PFKFB3: variants seen among roughly 807,000 people sequenced by gnomAD.
PFKFB3 encodes the protein 6-phosphofructo-2-kinase/fructose-2,6-biphosphatase 3, also known as 6-phosphofructo-2-kinase/fructose-2,6-bisphosphatase 3.
In PFKFB3, 33 loss-of-function variants were observed where a neutral mutation model predicts 68.0. That is an observed-to-expected ratio of 0.49 (90% confidence interval 0.37 to 0.65). The LOEUF is 0.65. PFKFB3 is among the 30% of genes least tolerant of loss of function. The pLI is 0.00. For missense variants in PFKFB3, 586 were observed against 712.2 expected, an observed-to-expected ratio of 0.82 and a Z score of 2.02; for synonymous variants, 315 against 288.2, an observed-to-expected ratio of 1.09 and a Z score of -0.94.
the PFKFB3 span, among the ~76,000 whole-genome samples, chr10:6,282,553 A>G: frequency 6.6e-6 from 1 of 152,196 alleles, no homozygotes; most frequent in Non-Finnish European, 1.5e-5. Flanking sequence ...CCTACCATCC[A>G]ATGGGCCAGG....
chr10:6,275,060 AGG>A, the PFKFB3 span, among the ~76,000 whole-genome samples: 1 of 152,080 alleles, frequency 6.6e-6, no homozygotes, highest in Non-Finnish European at 1.5e-5. This position sits in a 1 kb window ranked among gnomAD's most constrained non-coding sequence, Gnocchi z 4.9. Context: ...GGTGTCCACT[AGG>A]GGACTTTTGG....
chr10:6,264,330 T>C, the PFKFB3 span, among the ~76,000 whole-genome samples: 1 of 152,154 alleles, frequency 6.6e-6, no homozygotes, highest in African/African-American at 2.4e-5. Flanking sequence ...TCTTGGCCCG[T>C]TGGATTTCCA....
the PFKFB3 span, among the ~76,000 whole-genome samples, chr10:6,262,339 A>G: frequency 7.4e-6 from 1 of 135,624 alleles, no homozygotes; most frequent in Non-Finnish European, 1.6e-5. Flanking sequence ...CTGTAGTCCC[A>G]GCTGCTCCAG....
At chr10:6,164,379 A>G (rs1336635496) in intron 1 of PFKFB3, among the ~76,000 whole-genome samples, 2 of 152,232 alleles carry the variant, frequency 1.3e-5, no homozygotes, top group African/African-American at 2.4e-5. Context: ...GTGAAGGGTC[A>G]GGAAATAAGT....
chr10:6,297,038 T>C, the PFKFB3 span, among the ~76,000 whole-genome samples: 3 of 152,238 alleles, frequency 2.0e-5, no homozygotes, highest in African/African-American at 4.8e-5. Context: ...TGACCAACCA[T>C]GCTGTAGGGA....
intron 1 of PFKFB3, among the ~76,000 whole-genome samples, chr10:6,157,588 G>C (rs1287682626): frequency 6.6e-6 from 1 of 151,766 alleles, no homozygotes; most frequent in Non-Finnish European, 1.5e-5. Flanking sequence ...TAATAAATGA[G>C]TCAGCATGTG....
chr10:6,246,291 T>A (rs1213208487), intron 14 of PFKFB3, among the ~76,000 whole-genome samples: 3 of 151,876 alleles, frequency 2.0e-5, no homozygotes, highest in Non-Finnish European at 4.4e-5. Context: ...TTATTTATTT[T>A]TTTCTTGATG....
chr10:6,216,312 A>G, intron 4 of PFKFB3, 121 bp downstream of exon 4: 1 of 971,550 alleles, frequency 1.0e-6, no homozygotes, highest in Non-Finnish European at 1.6e-6. Flanking sequence ...GCAGGTGGCC[A>G]GGGCAGCCCA....
the PFKFB3 span, among the ~76,000 whole-genome samples, chr10:6,299,136 C>T: frequency 3.9e-5 from 6 of 152,278 alleles, no homozygotes; most frequent in South Asian, 1.0e-3. Flanking sequence ...GTCTTGATAG[C>T]GCTGTGGTTA....
chr10:6,266,483 G>T, the PFKFB3 span, among the ~76,000 whole-genome samples: 1 of 152,162 alleles, frequency 6.6e-6, no homozygotes, highest in Admixed American at 6.5e-5. Flanking sequence ...AGATCTGGTT[G>T]TAGTTGTGTT....
At chr10:6,210,972 G>T (rs536417543) in intron 1 of PFKFB3, among the ~76,000 whole-genome samples, 1 of 149,548 alleles carries the variant, frequency 6.7e-6, no homozygotes, top group African/African-American at 2.5e-5. Flanking sequence ...CCTCCCAGAG[G>T]GCTGGGATTA....
At position 6,224,132 on chromosome 10, in the gene PFKFB3, C is replaced by G. The variant is rs770021872; in HGVS notation, c.1277-17C>G. On this transcript the variant is annotated splice_polypyrimidine_tract_variant and intron_variant, in intron 12 of 14. Coordinates refer to ENST00000379775, the MANE Select transcript of PFKFB3 (RefSeq NM_004566.4). ...CTTTAACAGCAGCTTCCTCTGCCCC[C>G]ATCCCACGCCCTCCAGGCTGCCGTG... 1.2e-6 allele frequency: 2 copies of G among 1,614,048 alleles called. No homozygotes were observed. Among genetic ancestry groups the G allele is most frequent in the African/African-American group, 1.3e-5 (1 of 74,944 alleles).
chr10:6,190,430 C>T (rs1394739135), intron 1 of PFKFB3, among the ~76,000 whole-genome samples: 1 of 152,188 alleles, frequency 6.6e-6, no homozygotes, highest in Admixed American at 6.5e-5. Context: ...TCATTGTATC[C>T]ACAGTTGAGT....
chr10:6,316,437 C>A, the PFKFB3 span, among the ~76,000 whole-genome samples: 1 of 152,214 alleles, frequency 6.6e-6, no homozygotes, highest in Non-Finnish European at 1.5e-5. Context: ...ATCCTGGGTT[C>A]AGGAAAAGTT....
chr10:6,308,195 A>ATACAC, the PFKFB3 span, among the ~76,000 whole-genome samples: 1 of 152,206 alleles, frequency 6.6e-6, no homozygotes, highest in African/African-American at 2.4e-5. Flanking sequence ...AGCCTTTTCA[A>ATACAC]TACACTTCAC....
chr10:6,169,777 G>T (rs578206025), intron 1 of PFKFB3, among the ~76,000 whole-genome samples: 7 of 152,316 alleles, frequency 4.6e-5, no homozygotes, highest in South Asian at 4.1e-4. Context: ...ATATATGGGA[G>T]TGGCCAGGAG....
intron 1 of PFKFB3, among the ~76,000 whole-genome samples, chr10:6,192,348 GT>G (rs963233255): frequency 9.6e-5 from 13 of 134,902 alleles, no homozygotes; most frequent in Admixed American, 3.1e-4. Context: ...AAACCTGCCC[GT>G]TTTTTTTTTC....
At chr10:6,294,769 G>A in the PFKFB3 span, 1 of 152,530 alleles carries the variant, frequency 6.6e-6, no homozygotes, top group Non-Finnish European at 1.5e-5. Context: ...TAGATTTCAA[G>A]CCTCTCCTTT....
the PFKFB3 span, among the ~76,000 whole-genome samples, chr10:6,312,315 T>TC: frequency 1.1e-3 from 1 of 924 alleles, no homozygotes; most frequent in African/African-American, 1.3e-3. Flanking sequence ...AAAATATACA[T>TC]TTTTTTCCAA....
Sources: gnomAD v4.1 joint callset for allele counts (sites outside exome capture counted in the v4.1 genomes callset) on GRCh38, gnomAD v4.1.1 for gene constraint, Gnocchi (gnomAD v3.1) non-coding constraint, MANE v1.5 for transcripts, NCBI Gene and HGNC (gene_info 2026-07-23, HGNC 2026-07-21) for gene names.